Variants in COLEC10 observed in about 807,000 individuals in gnomAD.
COLEC10 encodes collectin subfamily member 10, also known as collectin-10.
A neutral mutation model predicts 28.4 loss-of-function variants in COLEC10; 22 were observed. The observed-to-expected ratio is 0.78, with a 90% CI of 0.55 to 1.11. The LOEUF (loss-of-function observed/expected upper bound fraction) is 1.11. Ranked by LOEUF, COLEC10 falls within the 50% of genes least tolerant of loss-of-function variation. The pLI is 0.00. For missense variants in COLEC10, 361 were observed against 344.1 expected, an observed-to-expected ratio of 1.05 and a Z score of -0.39; for synonymous variants, 125 against 116.1, an observed-to-expected ratio of 1.08 and a Z score of -0.49.
At chr8:119,037,773 C>T (rs1814415618) in intron 2 of COLEC10, among the ~76,000 whole-genome samples, 2 of 152,282 alleles carry the variant, frequency 1.3e-5, no homozygotes, top group South Asian at 4.1e-4. Flanking sequence ...CTTTGTGGTG[C>T]CTTCTCTTCT....
chr8:119,002,447 T>A (rs537853381), intron 1 of COLEC10, among the ~76,000 whole-genome samples: 1 of 152,300 alleles, frequency 6.6e-6, no homozygotes, highest in African/African-American at 2.4e-5. Flanking sequence ...TTAAATTCTA[T>A]GAATGAATGA....
chr8:119,064,329 A>T (rs1814912342), upstream of COLEC10, among the ~76,000 whole-genome samples: 1 of 152,136 alleles, frequency 6.6e-6, no homozygotes, highest in Non-Finnish European at 1.5e-5. Flanking sequence ...TGCCAAGAAA[A>T]TTTTTTAAGG....
chr8:119,085,101 T>A (rs1037888095), intron 1 of COLEC10, among the ~76,000 whole-genome samples: 7 of 152,118 alleles, frequency 4.6e-5, no homozygotes, highest in Admixed American at 3.9e-4. Context: ...AAAACTGAGA[T>A]TGGAAGAAAT....
At chr8:119,070,646 T>G (rs1204726390) in intron 1 of COLEC10, among the ~76,000 whole-genome samples, 3 of 150,768 alleles carry the variant, frequency 2.0e-5, no homozygotes, top group Non-Finnish European at 4.4e-5. Context: ...TCTTGGTGGT[T>G]TCTTTAAACA....
the COLEC10 span, among the ~76,000 whole-genome samples, chr8:118,983,651 A>G: frequency 6.6e-6 from 1 of 152,062 alleles, no homozygotes; most frequent in Admixed American, 6.6e-5. Context: ...GCAAAAAACA[A>G]CCCCATTAAA....
At chr8:119,044,716 G>A (rs146627931) in intron 2 of COLEC10, among the ~76,000 whole-genome samples, 190 of 152,042 alleles carry the variant, frequency 1.2e-3, no homozygotes, top group African/African-American at 4.4e-3. Context: ...TTAGCCAGGC[G>A]TGGTGGCTCA....
At chr8:119,011,192 T>C (rs552661214) in intron 2 of COLEC10, among the ~76,000 whole-genome samples, 1 of 151,188 alleles carries the variant, frequency 6.6e-6, no homozygotes, top group East Asian at 1.9e-4. Context: ...GATTTATTTA[T>C]TGGCATATGA....
intron 1 of COLEC10, among the ~76,000 whole-genome samples, chr8:119,078,989 GTACACACA>G (rs1815310163): frequency 9.1e-6 from 1 of 109,960 alleles, no homozygotes; most frequent in East Asian, 2.9e-4. Flanking sequence ...CTGGGAAAAC[GTACACACA>G]CACACACACA....
At chr8:118,983,207 T>A in the COLEC10 span, among the ~76,000 whole-genome samples, 1 of 152,174 alleles carries the variant, frequency 6.6e-6, no homozygotes. Context: ...ACACCTCAAC[T>A]GATCAGTTAT....
intron 2 of COLEC10, among the ~76,000 whole-genome samples, chr8:119,047,491 G>C (rs950674056): frequency 1.3e-5 from 2 of 152,178 alleles, no homozygotes; most frequent in African/African-American, 4.8e-5. Flanking sequence ...ATTGCATTTG[G>C]TGCACTGACA....
chr8:119,028,631 G>A (rs1814235838), intron 2 of COLEC10, among the ~76,000 whole-genome samples: 1 of 152,156 alleles, frequency 6.6e-6, no homozygotes, highest in Non-Finnish European at 1.5e-5. Context: ...CACAACATAT[G>A]GGAATTCTGG....
At chr8:118,954,635 G>A in the COLEC10 span, among the ~76,000 whole-genome samples, 7 of 152,152 alleles carry the variant, frequency 4.6e-5, no homozygotes, top group South Asian at 4.1e-4. Flanking sequence ...TATATGTGAC[G>A]CTAACTTTCT....
At chr8:119,015,267 G>A (rs780911209) in intron 2 of COLEC10, among the ~76,000 whole-genome samples, 2 of 147,976 alleles carry the variant, frequency 1.4e-5, no homozygotes, top group Non-Finnish European at 3.0e-5. Context: ...TGATGAGCCT[G>A]TGTCTCTAGA....
At position 119,060,699 on chromosome 8, in the gene COLEC10, G is replaced by A. The variant is rs190173189; in HGVS notation, n.236-28981G>A. On this transcript the variant is annotated intron_variant and non_coding_transcript_variant, in intron 2 of 6. Transcript: ENST00000521788. ...AATAAATCTTACAGTTTAAAAAGCA[G>A]AGATGCAGGTAATGAGAATGAGAGG... Among the ~76,000 whole-genome samples the A allele has an allele frequency of 5.3e-5, 8 of 152,254 alleles. No individual in the cohort carries two copies. In the East Asian group the frequency reaches 1.5e-3, roughly 29 times the overall value.
chr8:119,083,196 G>A (rs996062410), intron 1 of COLEC10, among the ~76,000 whole-genome samples: 15 of 152,124 alleles, frequency 9.9e-5, no homozygotes, highest in African/African-American at 3.4e-4. Flanking sequence ...CACGTGTTCT[G>A]GGATGAGTCT....
At chr8:118,955,731 G>C in the COLEC10 span, among the ~76,000 whole-genome samples, 1 of 152,156 alleles carries the variant, frequency 6.6e-6, no homozygotes. Context: ...GGTGTTAGTA[G>C]GTCTCCCAGT....
the COLEC10 span, among the ~76,000 whole-genome samples, chr8:118,978,552 A>G: frequency 1.1e-5 from 1 of 93,016 alleles, no homozygotes; most frequent in African/African-American, 6.5e-5. Context: ...CAAGATAACT[A>G]TTTGCATTTT....
At chr8:119,070,959 GC>G (rs1160561760) in intron 1 of COLEC10, among the ~76,000 whole-genome samples, 2 of 152,188 alleles carry the variant, frequency 1.3e-5, no homozygotes, top group Non-Finnish European at 2.9e-5. Context: ...CAAGGGAAGT[GC>G]CCGAGTTCTT....
At chr8:119,096,547 C>A (rs1278947848) in intron 3 of COLEC10, among the ~76,000 whole-genome samples, 1 of 152,020 alleles carries the variant, frequency 6.6e-6, no homozygotes, top group Non-Finnish European at 1.5e-5. Context: ...GCAAAGATCA[C>A]ACCACTGCCC....
Sources: gnomAD v4.1 joint callset for allele counts (sites outside exome capture counted in the v4.1 genomes callset) on GRCh38, gnomAD v4.1.1 for gene constraint, MANE v1.5 for transcripts, NCBI Gene and HGNC (gene_info 2026-07-23, HGNC 2026-07-21) for gene names.